ITSN2: variants seen among roughly 807,000 people sequenced by gnomAD.
ITSN2 encodes the protein intersectin-2.
ITSN2 carries 156 observed loss-of-function variants against 243.7 expected under a neutral mutation model. That is an observed-to-expected ratio of 0.64 (90% CI 0.56 to 0.73). The LOEUF (loss-of-function observed/expected upper bound fraction) is 0.73, where lower values mean the gene tolerates loss of function less well. ITSN2 is among the 30% of genes least tolerant of loss of function. The pLI, the probability that ITSN2 is intolerant of heterozygous loss-of-function variation, is 0.00. For synonymous variants in ITSN2, 703 were observed against 699.9 expected, an observed-to-expected ratio of 1.00 and a Z score of -0.07; for missense variants, 1,801 against 1,996.1, an observed-to-expected ratio of 0.90 and a Z score of 1.86.
intron 29 of ITSN2, among the ~76,000 whole-genome samples, chr2:24,223,683 CAA>C (rs61310660): frequency 2.9e-4 from 25 of 87,330 alleles, no homozygotes; most frequent in East Asian, 4.1e-4. Flanking sequence ...GACCCTGTTT[CAA>C]AAAAAAAAAA....
chr2:24,298,905 G>T, intron 12 of ITSN2, 91 bp from the exon 13 acceptor site: 1 of 1,204,060 alleles, frequency 8.3e-7, no homozygotes, highest in Non-Finnish European at 1.1e-6. Context: ...GTCAGGCAGA[G>T]TTTAGCACTT....
chr2:24,248,657 G>T lies in ITSN2; in HGVS notation c.3260C>A (p.Thr1087Lys), dbSNP rs1206059900. ...GQLILILKKN[T>K]SGWWQGELQA... Reference sequence around the variant, plus strand: ...TAACTCTCCTTGCCACCACCCACTTGTATTTTTCTTTAGAATTAATATTAA... The same window carrying T: ...TAACTCTCCTTGCCACCACCCACTTTTATTTTTCTTTAGAATTAATATTAA... Residue 1087 changes from threonine (T) to lysine (K), a missense_variant, in exon 27 of 40, where the codon ACA becomes AAA. By Grantham distance (78) the Thr-to-Lys change is moderately conservative. Coordinates refer to ENST00000355123, the MANE Select transcript of ITSN2 (RefSeq NM_006277.3). 1 of 1,610,028 alleles carries T rather than the reference G, an allele frequency of 6.2e-7. No homozygotes were observed. The highest frequency in any genetic ancestry group is 1.1e-5 in the South Asian group (1 of 90,538).
At position 24,249,868 on chromosome 2, in the gene ITSN2, A is replaced by T. The variant is rs191404291; in HGVS notation, c.3121-986T>A. Among the ~76,000 whole-genome samples the T allele has an allele frequency of 2.0e-5, 3 of 152,332 alleles. No homozygotes were observed. The highest frequency in any genetic ancestry group is 7.2e-5 in the African/African-American group (3 of 41,576). ...TCTTTCAGGGGTCTGTGGGATAAAAACTATCTTCATAAAAATACTAAGACA... is the reference window on the plus strand; with the variant it reads ...TCTTTCAGGGGTCTGTGGGATAAAATCTATCTTCATAAAAATACTAAGACA... On this transcript the variant is annotated intron_variant, in intron 25 of 39. Coordinates refer to ENST00000355123, the MANE Select transcript of ITSN2 (RefSeq NM_006277.3). The surrounding 1 kb of genome is among the most constrained non-coding windows in gnomAD (Gnocchi z 4.4).
chr2:24,341,041 C>T (rs1259874959), intron 1 of ITSN2, among the ~76,000 whole-genome samples: 1 of 151,974 alleles, frequency 6.6e-6, no homozygotes, highest in Non-Finnish European at 1.5e-5. Flanking sequence ...AGAGGTATTT[C>T]AAAGGTAGAA....
intron 23 of ITSN2, among the ~76,000 whole-genome samples, chr2:24,257,030 G>A (rs1675135006): frequency 1.3e-5 from 2 of 152,142 alleles, no homozygotes; most frequent in African/African-American, 4.8e-5. Context: ...ATGGTACAAA[G>A]AAGTGGCCAG....
chr2:24,279,656 G>A (rs1034448076), intron 17 of ITSN2, among the ~76,000 whole-genome samples: 2 of 151,348 alleles, frequency 1.3e-5, no homozygotes, highest in South Asian at 4.2e-4. Flanking sequence ...GATAAGACTA[G>A]AGTTCACTTT....
chr2:24,227,394 T>C, intron 29 of ITSN2, among the ~76,000 whole-genome samples: 1 of 151,456 alleles, frequency 6.6e-6, no homozygotes. Flanking sequence ...AAAATACACA[T>C]GGAGATGTAA....
intron 23 of ITSN2, among the ~76,000 whole-genome samples, chr2:24,255,682 T>C (rs1041096554): frequency 1.3e-5 from 2 of 151,532 alleles, no homozygotes; most frequent in Non-Finnish European, 2.9e-5. Flanking sequence ...ATCCTAGCAC[T>C]TTGGGAGGCC....
At chr2:24,205,366 C>T (rs1158944588) in intron 37 of ITSN2, 69 bp from the exon 38 acceptor site, 10 of 1,317,398 alleles carry the variant, frequency 7.6e-6, no homozygotes, top group Non-Finnish European at 7.7e-6. Flanking sequence ...TTCAAACCAA[C>T]CATAACACTA....
intron 15 of ITSN2, among the ~76,000 whole-genome samples, chr2:24,289,665 C>T (rs1401740130): frequency 1.3e-5 from 2 of 152,172 alleles, no homozygotes; most frequent in Non-Finnish European, 2.9e-5. Context: ...AGTGCGTATC[C>T]CTACCTCATA....
At chr2:24,320,512 C>T (rs1336703069) in intron 2 of ITSN2, among the ~76,000 whole-genome samples, 3 of 123,492 alleles carry the variant, frequency 2.4e-5, no homozygotes, top group Admixed American at 9.4e-5. Context: ...GGCGACAGAG[C>T]GAGACTCCGT....
intron 20 of ITSN2, 89 bp downstream of exon 20, chr2:24,270,582 A>T (rs530608116): frequency 4.4e-6 from 3 of 683,536 alleles, no homozygotes; most frequent in South Asian, 1.9e-5. Context: ...AGGTAAATAT[A>T]TGAAATTAAT....
At chr2:24,342,684 C>T (rs1303414456) in intron 1 of ITSN2, among the ~76,000 whole-genome samples, 2 of 151,734 alleles carry the variant, frequency 1.3e-5, no homozygotes, top group East Asian at 1.9e-4. Context: ...CACATCAAAA[C>T]ATTTGTTAAA....
chr2:24,312,267 G>A lies in ITSN2; in HGVS notation c.297C>T (p.Leu99=), dbSNP rs1683343553. 1 of 1,613,676 alleles carries A rather than the reference G, an allele frequency of 6.2e-7. No homozygotes were observed. Among genetic ancestry groups the A allele is most frequent in the Non-Finnish European group, 8.5e-7 (1 of 1,179,756 alleles). ...KLQGQQLPVV[L]PPIMKQPPMF... Reference sequence around the variant, plus strand: ...TAGGGGGTTGCTTCATAATAGGAGGGAGAACCACAGGCAACTGTTGGCCTT... The same window carrying A: ...TAGGGGGTTGCTTCATAATAGGAGGAAGAACCACAGGCAACTGTTGGCCTT... Residue 99 remains leucine (L), a synonymous_variant, in exon 5 of 40, where the codon CTC becomes CTT. Transcript: ENST00000355123.
chr2:24,299,946 C>T lies in ITSN2; in HGVS notation c.1307G>A (p.Arg436Gln), dbSNP rs1238446619. The change falls in exon 12 of 40, where the codon CGA becomes CAA. Residue 436 changes from arginine to glutamine, a missense_variant. Arg to Gln is a conservative substitution (Grantham distance 43). Transcript: ENST00000355123. The stretch of plus-strand genomic sequence containing the variant: ...TATGTCTTTTCTCCTTTCTTCCTCT[C>T]GTTGTCTCTCCAATTCCCGTTGCTT... ...LEKQRELERQ[R>Q]EEERRKDIER... 1.2e-6 allele frequency: 2 copies of T among 1,612,982 alleles called. No individual in the cohort carries two copies. Among genetic ancestry groups the T allele is most frequent in the South Asian group, 1.1e-5 (1 of 90,702 alleles).
At chr2:24,288,077 T>C (rs957555539) in intron 15 of ITSN2, among the ~76,000 whole-genome samples, 4 of 152,112 alleles carry the variant, frequency 2.6e-5, no homozygotes, top group Non-Finnish European at 5.9e-5. Flanking sequence ...CCTGAGCTTT[T>C]GGTGTAATAT....
chr2:24,314,712 T>C (rs1052687840), intron 3 of ITSN2, among the ~76,000 whole-genome samples: 1 of 152,200 alleles, frequency 6.6e-6, no homozygotes, highest in Non-Finnish European at 1.5e-5. Context: ...TCTGGTGGTC[T>C]TTCTGCAAAA....
At chr2:24,333,266 CAGG>C (rs1685987238) in intron 1 of ITSN2, among the ~76,000 whole-genome samples, 1 of 152,144 alleles carries the variant, frequency 6.6e-6, no homozygotes, top group Non-Finnish European at 1.5e-5. Flanking sequence ...CACATTTGTC[CAGG>C]AGAAGAAAAA....
chr2:24,251,244 G>T (rs1674068094), intron 25 of ITSN2, among the ~76,000 whole-genome samples: 1 of 143,680 alleles, frequency 7.0e-6, no homozygotes, highest in Non-Finnish European at 1.5e-5. Context: ...AGAATTGCTT[G>T]AACCTGGGAG....
Sources: gnomAD v4.1 joint callset for allele counts (sites outside exome capture counted in the v4.1 genomes callset) on GRCh38, gnomAD v4.1.1 for gene constraint, Gnocchi (gnomAD v3.1) non-coding constraint, MANE v1.5 for transcripts, NCBI Gene and HGNC (gene_info 2026-07-23, HGNC 2026-07-21) for gene names.